The following CNTN1 variants were observed in gnomAD, a reference collection of about 807,000 sequenced individuals.
The protein encoded by CNTN1 is contactin-1.
CNTN1 carries 38 observed loss-of-function variants against 126.4 expected under a neutral mutation model. The observed-to-expected ratio is 0.30, with a 90% confidence interval of 0.23 to 0.39. CNTN1 has a LOEUF of 0.39. CNTN1 is among the 10% of genes least tolerant of loss of function. CNTN1 has a pLI of 1.00. For missense variants in CNTN1, 1,009 were observed against 1,248.4 expected, an observed-to-expected ratio of 0.81 and a Z score of 2.89; for synonymous variants, 413 against 422.6, an observed-to-expected ratio of 0.98 and a Z score of 0.28.
At chr12:40,954,058 A>C (rs978261672) in intron 14 of CNTN1, among the ~76,000 whole-genome samples, 6 of 152,164 alleles carry the variant, frequency 3.9e-5, no homozygotes, top group Non-Finnish European at 1.5e-5. Context: ...ATCTAATGAC[A>C]TGGCTCATTG....
intron 1 of CNTN1, among the ~76,000 whole-genome samples, chr12:40,820,535 A>G (rs1253043981): frequency 6.6e-6 from 1 of 152,192 alleles, no homozygotes; most frequent in Non-Finnish European, 1.5e-5. Flanking sequence ...CTTACAGTGG[A>G]ATCATAGAGC....
chr12:40,972,453 G>C, intron 15 of CNTN1: 1 of 982,320 alleles, frequency 1.0e-6, no homozygotes, highest in Non-Finnish European at 1.2e-6. Context: ...GTTTAGGTAT[G>C]AGTTTCTCTT....
Position 40,966,004 on chromosome 12 carries a change from A to G in CNTN1, c.1804+6770A>G, listed in dbSNP as rs894781694. Among the ~76,000 whole-genome samples the G allele has an allele frequency of 1.4e-3, 194 of 140,614 alleles. 1 individual carries two copies. The highest frequency in any genetic ancestry group is 4.8e-3 in the African/African-American group (177 of 36,508). The allele number at this position is 140,614 out of a possible 152,430, so 92.2% of individuals were successfully genotyped here. On this transcript the variant is annotated intron_variant, in intron 15 of 23. Coordinates refer to ENST00000551295, the MANE Select transcript of CNTN1 (RefSeq NM_001843.4). ...GTATACACACCTCATCACACCACACACACACACACACACACACACACACAC... is the reference window on the plus strand; with the variant it reads ...GTATACACACCTCATCACACCACACGCACACACACACACACACACACACAC...
chr12:40,894,891 G>C (rs574343127), intron 1 of CNTN1, among the ~76,000 whole-genome samples: 1 of 152,278 alleles, frequency 6.6e-6, no homozygotes, highest in African/African-American at 2.4e-5. Flanking sequence ...CTAGCCATTA[G>C]GGGTTTTTGA....
chr12:41,063,692 A>G (rs1949989233), intron 23 of CNTN1, among the ~76,000 whole-genome samples: 1 of 152,202 alleles, frequency 6.6e-6, no homozygotes, highest in African/African-American at 2.4e-5. Flanking sequence ...GTTCAATCAA[A>G]GAAGCCACTA....
At chr12:40,949,362 C>T (rs1249818983) in intron 14 of CNTN1, among the ~76,000 whole-genome samples, 3 of 150,692 alleles carry the variant, frequency 2.0e-5, no homozygotes, top group Non-Finnish European at 4.4e-5. Context: ...CATGCTGGTG[C>T]GCTGCACCCA....
chr12:40,798,880 C>T lies in CNTN1; in HGVS notation c.-77+106288C>T, dbSNP rs187183638. The stretch of plus-strand genomic sequence containing the variant: ...CCTATTTAACAAACCTCCACATGTA[C>T]TCCTAAACTTAAAAGTTTTCAAAAA... On this transcript the variant is annotated intron_variant, in intron 1 of 23. Transcript: ENST00000551295. Among the ~76,000 whole-genome samples, 7 of 152,096 alleles carry T rather than the reference C, an allele frequency of 4.6e-5. No individual in the cohort carries two copies. The East Asian group carries it at 1.4e-3, about 29-fold the overall frequency.
intron 15 of CNTN1, among the ~76,000 whole-genome samples, chr12:40,965,746 T>C (rs937411455): frequency 6.6e-6 from 1 of 152,194 alleles, no homozygotes; most frequent in African/African-American, 2.4e-5. Context: ...AATCAGATTT[T>C]AAGCTTCTGT....
chr12:40,693,235 G>A (rs1941349320), intron 1 of CNTN1, among the ~76,000 whole-genome samples: 1 of 152,218 alleles, frequency 6.6e-6, no homozygotes, highest in African/African-American at 2.4e-5. Flanking sequence ...TCCACGATCT[G>A]CGGCAGGTGG....
At chr12:41,006,829 T>C (rs1010438080) in intron 17 of CNTN1, among the ~76,000 whole-genome samples, 16 of 152,136 alleles carry the variant, frequency 1.1e-4, no homozygotes, top group African/African-American at 1.9e-4. Context: ...TATAGAAACA[T>C]GGACTTCATC....
Position 40,806,190 on chromosome 12 carries a change from C to A in CNTN1, c.-76-102167C>A, listed in dbSNP as rs77557062. On this transcript the variant is annotated intron_variant, in intron 1 of 23. Coordinates refer to ENST00000551295, the MANE Select transcript of CNTN1 (RefSeq NM_001843.4). ...CCTGTGTGTCTATGCTTCAAGAGTG[C>A]GGGTTTTTCAGCATTTCTGCCCCTC... Among the ~76,000 whole-genome samples, 1,418 of 152,130 alleles carry A rather than the reference C, an allele frequency of 9.3e-3. 22 individuals carry two copies. Among genetic ancestry groups the A allele is most frequent in the African/African-American group, 0.032 (1,347 of 41,498 alleles).
chr12:40,774,078 A>G (rs1352663676), intron 1 of CNTN1, among the ~76,000 whole-genome samples: 1 of 151,594 alleles, frequency 6.6e-6, no homozygotes, highest in African/African-American at 2.4e-5. Context: ...AAGCTGAAGT[A>G]GGCAGACCCT....
chr12:40,710,519 G>C (rs1941885972), intron 1 of CNTN1, among the ~76,000 whole-genome samples: 1 of 152,100 alleles, frequency 6.6e-6, no homozygotes, highest in South Asian at 2.1e-4. Flanking sequence ...GATGCCAGTA[G>C]ACTTACTTGA....
At chr12:40,869,027 A>G (rs1003300508) in intron 1 of CNTN1, among the ~76,000 whole-genome samples, 1 of 151,882 alleles carries the variant, frequency 6.6e-6, no homozygotes, top group Admixed American at 6.6e-5. Flanking sequence ...ATTAAAGTCA[A>G]TATTTCTGTG....
intron 15 of CNTN1, among the ~76,000 whole-genome samples, chr12:40,975,554 G>T (rs1416105640): frequency 1.3e-5 from 2 of 152,004 alleles, no homozygotes; most frequent in Non-Finnish European, 2.9e-5. Flanking sequence ...CATTATTTTT[G>T]TATGCCCCAT....
chr12:40,955,822 G>A (rs138007427), intron 14 of CNTN1, among the ~76,000 whole-genome samples: 322 of 152,228 alleles, frequency 2.1e-3, no homozygotes, highest in African/African-American at 7.7e-3. Flanking sequence ...TTTCAGATAT[G>A]GGAGGGGTAT....
chr12:40,743,372 T>C (rs919932729), intron 1 of CNTN1, among the ~76,000 whole-genome samples: 6 of 152,180 alleles, frequency 3.9e-5, no homozygotes, highest in South Asian at 2.1e-4. Flanking sequence ...AAAATTGCAA[T>C]GAGTGACATA....
chr12:40,948,721 T>C (rs1466127803), intron 14 of CNTN1, among the ~76,000 whole-genome samples: 1 of 152,240 alleles, frequency 6.6e-6, no homozygotes, highest in Non-Finnish European at 1.5e-5. Context: ...CCCATAAGTA[T>C]TTGATGCTCT....
At chr12:41,033,322 A>C in intron 23 of CNTN1, among the ~76,000 whole-genome samples, 1 of 152,232 alleles carries the variant, frequency 6.6e-6, no homozygotes, top group East Asian at 1.9e-4. Flanking sequence ...GAGCAAATTA[A>C]GAAAATATAC....
Sources: allele counts gnomAD v4.1 joint callset (sites outside exome capture counted in the v4.1 genomes callset), GRCh38; gene constraint gnomAD v4.1.1; transcripts MANE v1.5; gene names NCBI Gene and HGNC (gene_info 2026-07-23, HGNC 2026-07-21).